SF3B1: variants seen among roughly 807,000 people sequenced by gnomAD.
SF3B1 encodes the protein splicing factor 3b subunit 1.
A neutral mutation model predicts 153.8 loss-of-function variants in SF3B1; 12 were observed. The ratio of observed to expected loss-of-function variants is 0.08; its 90% CI spans 0.05 to 0.13. The LOEUF is 0.13. Ranked by LOEUF, SF3B1 falls within the 10% of genes least tolerant of loss-of-function variation. The pLI, the probability that SF3B1 is intolerant of heterozygous loss-of-function variation, is 1.00. For missense variants in SF3B1, 513 were observed against 1,606.1 expected (o/e 0.32, Z 11.63); for synonymous variants, 498 against 525.2 (o/e 0.95, Z 0.71).
At chr2:197,421,820 A>C (rs2085247449) in intron 2 of SF3B1, among the ~76,000 whole-genome samples, 2 of 152,138 alleles carry the variant, frequency 1.3e-5, no homozygotes, top group African/African-American at 4.8e-5. Context: ...TCTACCAAAA[A>C]AAATACAAAA....
chr2:197,435,054 C>T (rs763852136), upstream of SF3B1: 5 of 1,613,326 alleles, frequency 3.1e-6, no homozygotes, highest in Non-Finnish European at 4.2e-6. Context: ...TTCCGCTCGT[C>T]GCCGCCGCCA....
chr2:197,398,744 A>G, intron 20 of SF3B1, 163 bp from the exon 21 acceptor site: 1 of 642,486 alleles, frequency 1.6e-6, no homozygotes, highest in Non-Finnish European at 2.6e-6. Flanking sequence ...ATCGTTTTTA[A>G]CTTTTATTAA....
At chr2:197,398,143 T>C in intron 21 of SF3B1, 27 bp from the exon 22 acceptor site, 1 of 1,551,292 alleles carries the variant, frequency 6.4e-7, no homozygotes, top group Non-Finnish European at 8.8e-7. Context: ...ACATATTAAT[T>C]ATTGTGACAT....
chr2:197,425,701 C>G (rs2085323932), intron 1 of SF3B1, among the ~76,000 whole-genome samples: 1 of 151,958 alleles, frequency 6.6e-6, no homozygotes, highest in South Asian at 2.1e-4. Context: ...GGAACAGGAG[C>G]ACGTCTCACA....
intron 23 of SF3B1, 80 bp downstream of exon 23, chr2:197,395,976 C>A: frequency 7.8e-7 from 1 of 1,273,974 alleles, no homozygotes; most frequent in Non-Finnish European, 1.1e-6. Context: ...AGTAAAAAGT[C>A]ATCTAATAAC....
chr2:197,408,475 C>G lies in SF3B1; in HGVS notation c.1011G>C (p.Arg337=), dbSNP rs780693704. 2 of 1,613,932 alleles carry G rather than the reference C, an allele frequency of 1.2e-6. No individual in the cohort carries two copies. Among genetic ancestry groups the G allele is most frequent in the South Asian group, 2.2e-5 (2 of 91,088 alleles). The change falls in exon 8 of 25, where the codon CGG becomes CGC. Residue 337 remains arginine (R), a synonymous_variant. Transcript: ENST00000335508. The part of the protein sequence containing the change: ...PTPGASKRKS[R]WDETPASQMG... ...TCTGACTAGCTGGTGTTTCATCCCACCGTGATTTTCTTTTACTGGCTCCAG... is the reference window on the plus strand; with the variant it reads ...TCTGACTAGCTGGTGTTTCATCCCAGCGTGATTTTCTTTTACTGGCTCCAG...
intron 1 of SF3B1, among the ~76,000 whole-genome samples, chr2:197,431,104 CTTTTTTTTTTTT>C (rs558644461): frequency 6.8e-5 from 5 of 73,656 alleles, no homozygotes; most frequent in Admixed American, 1.9e-4. Context: ...GCCTTTTCTT[CTTTTTTTTTTTT>C]TTTTTTTTTT....
Position 197,403,645 on chromosome 2 carries a change from C to T in SF3B1, c.1659G>A (p.Val553=), listed in dbSNP as rs2105988756. ...TLEDQERHLL[V]KVIDRILYKL... is the part of the protein sequence containing the mutation. ...TGTACAGTATCCTATCAATAACTTT[C>T]ACAAGTAAATGACGCTCTTGATCCT... is the stretch of plus-strand genomic sequence containing the variant. The change falls in exon 12 of 25, where the codon GTG becomes GTA. Residue 553 remains valine (V), a synonymous_variant. Coordinates refer to ENST00000335508, the MANE Select transcript of SF3B1 (RefSeq NM_012433.4). The T allele has an allele frequency of 5.6e-6, 9 of 1,596,030 alleles. No individual in the cohort carries two copies. The highest frequency in any genetic ancestry group is 7.7e-6 in the Non-Finnish European group (9 of 1,174,668).
chr2:197,408,784 G>A (rs2085026662), intron 7 of SF3B1: 2 of 544,368 alleles, frequency 3.7e-6, no homozygotes, highest in East Asian at 3.2e-5. Flanking sequence ...GTAGCCAGGT[G>A]TGGTGGTGGG....
In SF3B1 at chr2:197,405,084, T is replaced by C; in HGVS notation, c.1531A>G (p.Met511Val). ...AACAAACTGGGACTTACCTTTCTCA[T>C]TGGTGGTGTTCCATTCTTAATTTTT... ...LLKIKNGTPP[M>V]RKAALRQITD... The change falls in exon 11 of 25, where the codon ATG becomes GTG. Residue 511 changes from methionine (M) to valine (V), a missense_variant. By Grantham distance (21) the Met-to-Val change is conservative (BLOSUM62 1). Coordinates refer to ENST00000335508, the MANE Select transcript of SF3B1 (RefSeq NM_012433.4). 6.3e-7 allele frequency: 1 copy of C among 1,588,944 alleles called. No homozygotes were observed. Among genetic ancestry groups the C allele is most frequent in the Non-Finnish European group, 8.6e-7 (1 of 1,160,600 alleles).
intron 2 of SF3B1, among the ~76,000 whole-genome samples, chr2:197,423,319 G>A (rs1574551858): frequency 6.6e-6 from 1 of 151,668 alleles, no homozygotes; most frequent in African/African-American, 2.4e-5. Context: ...ACCGGGAGGC[G>A]GAGGTTGCAG....
At position 197,423,731 on chromosome 2, in the gene SF3B1, T is replaced by G. The variant is rs1396957356; in HGVS notation, c.195+77A>C. 6 of 1,423,032 alleles carry G rather than the reference T, an allele frequency of 4.2e-6. No homozygotes were observed. The African/African-American group carries it at 5.7e-5, about 13-fold the overall frequency. 88.2% of individuals were successfully genotyped at this position (1,423,032 alleles called of 1,614,324 possible). ...AAATGTTTCTCCAGATTAAACCAGA[T>G]GGCTGCAACAAAAGTTATTCATATT... is the stretch of plus-strand genomic sequence containing the variant. On this transcript the variant is annotated intron_variant, in intron 2 of 24. Transcript: ENST00000335508.
At chr2:197,419,405 C>T (rs788024) in intron 4 of SF3B1, 239 of 227,646 alleles carry the variant, frequency 1.0e-3, no homozygotes, top group African/African-American at 5.1e-3. Flanking sequence ...CAGAGGCACA[C>T]TATGCTTTAG....
intron 3 of SF3B1, 42 bp downstream of exon 3, chr2:197,420,987 T>C (rs2085231398): frequency 6.3e-6 from 8 of 1,279,514 alleles, no homozygotes; most frequent in Middle Eastern, 1.9e-4. Flanking sequence ...ACATTCACTT[T>C]TCTTTAGCTG....
In SF3B1 at chr2:197,390,449, A is replaced by C. The variant is rs1039624681; in HGVS notation, c.*1854T>G. Reference sequence around the variant, plus strand: ...AGCAGTGAGATTTAAAGTTGCATGGAAGTACCGCTGAAAACTTCTAACAAC... The same window carrying C: ...AGCAGTGAGATTTAAAGTTGCATGGCAGTACCGCTGAAAACTTCTAACAAC... On this transcript the variant is annotated 3_prime_UTR_variant, in exon 25 of 25. Coordinates refer to ENST00000335508, the MANE Select transcript of SF3B1 (RefSeq NM_012433.4). 1 of 152,210 alleles carries C rather than the reference A, an allele frequency of 6.6e-6. No homozygotes were observed. Among genetic ancestry groups the C allele is most frequent in the Admixed American group, 6.5e-5 (1 of 15,280 alleles). 9.4% of individuals were successfully genotyped at this position (152,210 alleles called of 1,614,324 possible).
chr2:197,400,028 G>A lies in SF3B1; in HGVS notation c.3013+27C>T. On this transcript the variant is annotated intron_variant, in intron 20 of 24. Transcript: ENST00000335508. The surrounding 1 kb of genome is among the most constrained non-coding windows in gnomAD (Gnocchi z 5.0). ...AAAAAGAAAGTTAAAACAAGAAAAA[G>A]TCTTATGTAACCAGCAAATTCCATA... 1 of 1,383,422 alleles carries A rather than the reference G, an allele frequency of 7.2e-7. No homozygotes were observed. The highest frequency in any genetic ancestry group is 2.3e-5 in the East Asian group (1 of 43,622). The allele number at this position is 1,383,422 out of a possible 1,614,324, so 85.7% of individuals were successfully genotyped here.
rs2084940241 is a variant in SF3B1, at chr2:197,401,900, T to TA, written c.2224-13dup. 12 of 1,582,848 alleles carry TA rather than the reference T, an allele frequency of 7.6e-6. No individual in the cohort carries two copies. Among genetic ancestry groups the TA allele is most frequent in the Non-Finnish European group, 1.0e-5 (12 of 1,169,920 alleles). ...AAAGCAGCCAAACCCTATTTTTAAATAAAAAATATATGTACTTTAGTAATT... is the reference window on the plus strand; with the variant it reads ...AAAGCAGCCAAACCCTATTTTTAAATAAAAAAATATATGTACTTTAGTAATT... On this transcript the variant is annotated splice_polypyrimidine_tract_variant and intron_variant, in intron 15 of 24. Coordinates refer to ENST00000335508, the MANE Select transcript of SF3B1 (RefSeq NM_012433.4). This position sits in a 1 kb window ranked among gnomAD's most constrained non-coding sequence, Gnocchi z 4.2.
Position 197,408,492 on chromosome 2 carries a change from T to C in SF3B1, c.994A>G (p.Ser332Gly). 1 of 1,613,934 alleles carries C rather than the reference T, an allele frequency of 6.2e-7. No homozygotes were observed. Among genetic ancestry groups the C allele is most frequent in the East Asian group, 2.2e-5 (1 of 44,892 alleles). The stretch of plus-strand genomic sequence containing the variant: ...TCATCCCACCGTGATTTTCTTTTAC[T>C]GGCTCCAGGAGTCGGTGTTTCACCA... ...SIGETPTPGASKRKSRWDETP... is the reference protein window; with the variant it reads ...SIGETPTPGAGKRKSRWDETP... The change falls in exon 8 of 25, where the codon AGT becomes GGT. Residue 332 changes from serine (S) to glycine (G), a missense_variant. Around this residue, in one of 21 missense-constraint regions of SF3B1, gnomAD observed 91 missense variants for 157.4 expected, o/e 0.58. Transcript: ENST00000335508.
At position 197,421,065 on chromosome 2, in the gene SF3B1, C is replaced by T; in HGVS notation, c.264G>A (p.Val88=). ...GQKKPGYHAP[V]ALLNDIPQST... ...ACTGTGGTATATCATTAAGCAATGC[C>T]ACAGGGGCATGATATCCTGGCTTCT... The change falls in exon 3 of 25, where the codon GTG becomes GTA. Residue 88 remains valine, a synonymous_variant. Coordinates refer to ENST00000335508, the MANE Select transcript of SF3B1 (RefSeq NM_012433.4). 6.2e-7 allele frequency: 1 copy of T among 1,612,720 alleles called. No individual in the cohort carries two copies. Among genetic ancestry groups the T allele is most frequent in the Non-Finnish European group, 8.5e-7 (1 of 1,179,176 alleles).
Sources: allele counts gnomAD v4.1 joint callset (sites outside exome capture counted in the v4.1 genomes callset), GRCh38; gene constraint gnomAD v4.1.1; regional missense constraint gnomAD v4.1.1; non-coding constraint Gnocchi (gnomAD v3.1); transcripts MANE v1.5; gene names NCBI Gene and HGNC (gene_info 2026-07-23, HGNC 2026-07-21).